Variants in FAT3 observed in about 807,000 individuals in gnomAD.
FAT3 encodes the protein FAT atypical cadherin 3, also known as protocadherin Fat 3.
Under a neutral mutation model 310.2 loss-of-function variants are expected in FAT3, and 95 were observed. The observed-to-expected ratio is 0.31, with a 90% CI of 0.26 to 0.36. The LOEUF is 0.36. Among genes scored for constraint, FAT3 ranks in the 10% least tolerant of loss-of-function variants. The pLI, the probability that FAT3 is intolerant of heterozygous loss-of-function variation, is 1.00. For missense variants in FAT3, 5,408 were observed against 5,715.6 expected, an observed-to-expected ratio of 0.95 and a Z score of 1.74; for synonymous variants, 2,314 against 2,192.9, an observed-to-expected ratio of 1.06 and a Z score of -1.54.
intron 1 of FAT3, among the ~76,000 whole-genome samples, chr11:92,338,113 A>G (rs1319513806): frequency 6.6e-6 from 1 of 152,246 alleles, no homozygotes; most frequent in African/African-American, 2.4e-5. Flanking sequence ...ACATTAAAAT[A>G]AATTTCATCT....
chr11:92,813,989 A>G (rs1419620256), intron 13 of FAT3, among the ~76,000 whole-genome samples: 1 of 152,172 alleles, frequency 6.6e-6, no homozygotes, highest in Non-Finnish European at 1.5e-5. Flanking sequence ...CAGTGCCCTT[A>G]TAAAAGAGGC....
chr11:92,655,790 CT>C (rs200100274), intron 3 of FAT3, among the ~76,000 whole-genome samples: 3,795 of 152,256 alleles, frequency 0.025, 76 homozygotes, highest in Non-Finnish European at 0.039. Flanking sequence ...AACATTTATG[CT>C]GGGTGCAAGC....
intron 2 of FAT3, among the ~76,000 whole-genome samples, chr11:92,462,145 G>A (rs1951653267): frequency 6.6e-6 from 1 of 151,976 alleles, no homozygotes; most frequent in Admixed American, 6.6e-5. Flanking sequence ...TGCTTTTTGA[G>A]GTTGTTTTTA....
chr11:92,624,464 G>A (rs537096537), intron 3 of FAT3, among the ~76,000 whole-genome samples: 27 of 152,272 alleles, frequency 1.8e-4, no homozygotes, highest in African/African-American at 5.3e-4. Flanking sequence ...GATGCTAGGA[G>A]GGGTGCACTG....
At chr11:92,464,032 G>T (rs1056768568) in intron 2 of FAT3, among the ~76,000 whole-genome samples, 1 of 152,132 alleles carries the variant, frequency 6.6e-6, no homozygotes, top group African/African-American at 2.4e-5. Flanking sequence ...CTGGTCTCAC[G>T]AGTGTGTGCC....
intron 2 of FAT3, among the ~76,000 whole-genome samples, chr11:92,424,901 T>A (rs956784536): frequency 2.6e-5 from 4 of 152,132 alleles, no homozygotes; most frequent in Non-Finnish European, 5.9e-5. Context: ...CTTTTTAGCA[T>A]TTCCTTCCCC....
chr11:92,278,730 C>G (rs1946345433), intron 1 of FAT3, among the ~76,000 whole-genome samples: 1 of 152,032 alleles, frequency 6.6e-6, no homozygotes, highest in Non-Finnish European at 1.5e-5. Context: ...AGTTTTGAAT[C>G]CTATTTGCAC....
At chr11:92,263,784 C>T (rs1865662804) in intron 1 of FAT3, among the ~76,000 whole-genome samples, 1 of 152,024 alleles carries the variant, frequency 6.6e-6, no homozygotes, top group Non-Finnish European at 1.5e-5. Context: ...CTTTGTGTTG[C>T]TTTTAATTTT....
At chr11:92,699,682 A>G (rs963366986) in intron 4 of FAT3, among the ~76,000 whole-genome samples, 1 of 152,204 alleles carries the variant, frequency 6.6e-6, no homozygotes, top group Non-Finnish European at 1.5e-5. Context: ...TTGGGTTTTC[A>G]CATTAGGGAT....
rs551914325 is a variant in FAT3, at chr11:92,653,160, AAAAT to A, written c.3608-44212_3608-44209del. 7.9e-5 allele frequency among the ~76,000 whole-genome samples: 12 copies of A among 152,264 alleles called. No homozygotes were observed. In the East Asian group the frequency reaches 1.6e-3, roughly 20 times the overall value. ...GGCAACAGAGCAAAACTCTGTCTAAAAAATAAATAAATAAAATTAAATCCCCTTC... is the reference window on the plus strand; with the variant it reads ...GGCAACAGAGCAAAACTCTGTCTAAAAAATAAATAAAATTAAATCCCCTTC... On this transcript the variant is annotated intron_variant, in intron 3 of 27. Coordinates refer to ENST00000525166, the MANE Select transcript of FAT3 (RefSeq NM_001367949.2).
intron 2 of FAT3, among the ~76,000 whole-genome samples, chr11:92,453,425 A>G (rs1224922481): frequency 1.3e-5 from 2 of 152,060 alleles, no homozygotes; most frequent in Non-Finnish European, 2.9e-5. Context: ...GGCCCCAAAT[A>G]GAAGATTTTT....
intron 1 of FAT3, among the ~76,000 whole-genome samples, chr11:92,277,726 G>A (rs1946312267): frequency 6.6e-6 from 1 of 152,124 alleles, no homozygotes; most frequent in Admixed American, 6.6e-5. Context: ...GGAGGGCAAG[G>A]GTTGAAAAGC....
intron 15 of FAT3, among the ~76,000 whole-genome samples, chr11:92,836,274 G>A (rs1948405465): frequency 6.6e-6 from 1 of 152,078 alleles, no homozygotes; most frequent in African/African-American, 2.4e-5. Flanking sequence ...ATTAGCTTTG[G>A]GCTCTAACCA....
chr11:92,465,935 C>G (rs1951748712), intron 2 of FAT3, among the ~76,000 whole-genome samples: 1 of 152,002 alleles, frequency 6.6e-6, no homozygotes. Flanking sequence ...AGTAAAACAT[C>G]AACAAAGTCA....
chr11:92,325,732 A>G (rs1012527323), intron 1 of FAT3, among the ~76,000 whole-genome samples: 2 of 152,184 alleles, frequency 1.3e-5, no homozygotes, highest in African/African-American at 4.8e-5. Context: ...CCTGAGTTCA[A>G]TTGATTCTCC....
At chr11:92,661,282 A>G (rs77754833) in intron 3 of FAT3, among the ~76,000 whole-genome samples, 1 of 152,170 alleles carries the variant, frequency 6.6e-6, no homozygotes, top group Non-Finnish European at 1.5e-5. Flanking sequence ...GCAAGGATAC[A>G]CAGAAATATT....
rs183747445 is a variant in FAT3, at chr11:92,354,421, C to T, written c.2309C>T (p.Thr770Met). 2.8e-4 allele frequency: 448 copies of T among 1,613,830 alleles called. 3 individuals carry two copies. The East Asian group carries it at 4.7e-3, about 17-fold the overall frequency. ...KVLFTISDGN[T>M]DSCFNIDMET... ...CTATTTACAATATCAGATGGAAATACGGATAGTTGCTTTAATATTGATATG... is the reference window on the plus strand; with the variant it reads ...CTATTTACAATATCAGATGGAAATATGGATAGTTGCTTTAATATTGATATG... The change falls in exon 2 of 28, where the codon ACG becomes ATG. Residue 770 changes from threonine (T) to methionine (M), a missense_variant. Physicochemically the swap from Thr to Met is moderately conservative, Grantham distance 81 (BLOSUM62 -1). This residue lies in a region of FAT3 where 4,588 missense variants were observed against 4,809.8 expected (regional missense o/e 0.95). Coordinates refer to ENST00000525166, the MANE Select transcript of FAT3 (RefSeq NM_001367949.2).
chr11:92,547,647 G>A (rs1440171463), intron 3 of FAT3, among the ~76,000 whole-genome samples: 3 of 151,928 alleles, frequency 2.0e-5, no homozygotes, highest in African/African-American at 7.3e-5. Flanking sequence ...CTCACCCCCA[G>A]CTGTGTACCA....
intron 1 of FAT3, chr11:92,336,167 A>G (rs67996104): frequency 0.1 from 58,192 of 558,440 alleles, 3,613 homozygotes; most frequent in Middle Eastern, 0.18. Flanking sequence ...TCCTGTAATC[A>G]GGCAGATAGG....
Sources: allele counts gnomAD v4.1 joint callset (sites outside exome capture counted in the v4.1 genomes callset), GRCh38; gene constraint gnomAD v4.1.1; regional missense constraint gnomAD v4.1.1; transcripts MANE v1.5; gene names NCBI Gene and HGNC (gene_info 2026-07-23, HGNC 2026-07-21).